The following PLCXD3 variants were observed in gnomAD, a reference collection of about 807,000 sequenced individuals.
The protein encoded by PLCXD3 is phosphatidylinositol specific phospholipase C X domain containing 3.
In PLCXD3, 19 loss-of-function variants were observed where a neutral mutation model predicts 25.5. That is an observed-to-expected ratio of 0.75 (90% confidence interval 0.52 to 1.09). The LOEUF (loss-of-function observed/expected upper bound fraction) is 1.09. PLCXD3 is among the 50% of genes least tolerant of loss of function. The pLI, the probability that PLCXD3 is intolerant of heterozygous loss-of-function variation, is 0.00. For synonymous variants in PLCXD3, 174 were observed against 137.6 expected (o/e 1.26, Z -1.85); for missense variants, 411 against 388.1 (o/e 1.06, Z -0.50).
intron 1 of PLCXD3, among the ~76,000 whole-genome samples, chr5:41,465,355 T>TTTTTTTTTTTTTTTTG: frequency 1.7e-5 from 1 of 58,060 alleles, no homozygotes; most frequent in Non-Finnish European, 3.8e-5. Flanking sequence ...GTTCTTGTCT[T>TTTTTTTTTTTTTTTTG]TTTTTTTTTT....
chr5:41,398,259 C>A (rs1414284094), intron 1 of PLCXD3, among the ~76,000 whole-genome samples: 1 of 152,120 alleles, frequency 6.6e-6, no homozygotes, highest in Non-Finnish European at 1.5e-5. Context: ...GATGGATTTC[C>A]CCCTGGCTGT....
intron 1 of PLCXD3, among the ~76,000 whole-genome samples, chr5:41,486,125 G>A (rs1266117781): frequency 6.6e-6 from 1 of 152,124 alleles, no homozygotes; most frequent in African/African-American, 2.4e-5. Context: ...TAAGCCTAGA[G>A]AGAAAAGTCT....
intron 1 of PLCXD3, among the ~76,000 whole-genome samples, chr5:41,505,822 G>C (rs570492958): frequency 4.6e-5 from 7 of 152,328 alleles, no homozygotes; most frequent in Admixed American, 6.5e-5. Flanking sequence ...TCAGTTATCA[G>C]AAATGTCCCT....
At chr5:41,440,215 A>ATTTTTGTTT (rs1747350266) in intron 1 of PLCXD3, among the ~76,000 whole-genome samples, 4 of 41,080 alleles carry the variant, frequency 9.7e-5, no homozygotes, top group African/African-American at 4.2e-4. Context: ...TAATCTCTCA[A>ATTTTTGTTT]TTTTTTTTTT....
Position 41,382,003 on chromosome 5 carries a change from A to T in PLCXD3, c.635T>A (p.Met212Lys). The change falls in exon 2 of 3, where the codon ATG (methionine) becomes AAG (lysine). Residue 212 changes from methionine (M) to lysine (K), a missense_variant. Transcript: ENST00000377801. ...EVPFLWPGQMMPAPWANTTDP... is the reference protein window; with the variant it reads ...EVPFLWPGQMKPAPWANTTDP... ...TGTGGTGTTGGCCCAGGGTGCTGGC[A>T]TCATCTGCCCAGGCCAGAGAAAGGG... is the stretch of plus-strand genomic sequence containing the variant. 1 of 1,613,578 alleles carries T rather than the reference A, an allele frequency of 6.2e-7. No individual in the cohort carries two copies. The highest frequency in any genetic ancestry group is 8.5e-7 in the Non-Finnish European group (1 of 1,179,756).
At position 41,485,924 on chromosome 5, in the gene PLCXD3, A is replaced by C. The variant is rs111484166; in HGVS notation, c.103+24500T>G. ...AGTATGAGTCTTGTTGAAGCTCATC[A>C]GAATAGGTCCAATTAATCTTCAAGT... On this transcript the variant is annotated intron_variant, in intron 1 of 2. Coordinates refer to ENST00000377801, the MANE Select transcript of PLCXD3 (RefSeq NM_001005473.3). 8.1e-3 allele frequency among the ~76,000 whole-genome samples: 1,241 copies of C among 152,272 alleles called. 14 individuals are homozygous for C. Among genetic ancestry groups the C allele is most frequent in the African/African-American group, 0.028 (1,158 of 41,548 alleles).
intron 1 of PLCXD3, among the ~76,000 whole-genome samples, chr5:41,419,338 T>C (rs1746762619): frequency 6.6e-6 from 1 of 152,124 alleles, no homozygotes; most frequent in Admixed American, 6.5e-5. Context: ...AAAAATACTA[T>C]ACAAGACGTT....
chr5:41,363,938 T>C (rs1259110779), intron 2 of PLCXD3, among the ~76,000 whole-genome samples: 1 of 152,174 alleles, frequency 6.6e-6, no homozygotes, highest in Non-Finnish European at 1.5e-5. Context: ...GCTTCTCTAA[T>C]CCCTGGACAG....
At chr5:41,423,398 T>A (rs73750172) in intron 1 of PLCXD3, among the ~76,000 whole-genome samples, 10 of 152,060 alleles carry the variant, frequency 6.6e-5, no homozygotes, top group Non-Finnish European at 1.3e-4. Flanking sequence ...AAATATTAAG[T>A]TTTTCAAGTA....
chr5:41,323,403 G>A (rs1743533808), intron 2 of PLCXD3, among the ~76,000 whole-genome samples: 1 of 152,160 alleles, frequency 6.6e-6, no homozygotes. Flanking sequence ...AAATGCTTGA[G>A]GGAAGGGATA....
intron 1 of PLCXD3, among the ~76,000 whole-genome samples, chr5:41,423,962 G>T (rs1400373296): frequency 6.6e-6 from 1 of 152,068 alleles, no homozygotes. Flanking sequence ...TATGTGTTTT[G>T]TGAGAATACT....
chr5:41,419,029 A>G (rs1746756376), intron 1 of PLCXD3, among the ~76,000 whole-genome samples: 1 of 152,172 alleles, frequency 6.6e-6, no homozygotes, highest in South Asian at 2.1e-4. Context: ...CCTCGATTGT[A>G]GACAGTAGGT....
intron 1 of PLCXD3, among the ~76,000 whole-genome samples, chr5:41,425,644 C>T (rs900299665): frequency 1.3e-5 from 2 of 152,160 alleles, no homozygotes; most frequent in African/African-American, 4.8e-5. Context: ...ATCCGTTTCT[C>T]CTTTCTAACC....
At chr5:41,417,508 C>A (rs934119924) in intron 1 of PLCXD3, among the ~76,000 whole-genome samples, 1 of 152,170 alleles carries the variant, frequency 6.6e-6, no homozygotes, top group African/African-American at 2.4e-5. Context: ...AGAAGATAGA[C>A]CCTGTTACTG....
At chr5:41,468,843 T>C (rs1748085061) in intron 1 of PLCXD3, among the ~76,000 whole-genome samples, 1 of 152,226 alleles carries the variant, frequency 6.6e-6, no homozygotes, top group Non-Finnish European at 1.5e-5. Context: ...TTTCACTTCC[T>C]CTATTGCTAT....
At chr5:41,457,022 A>C (rs1375656541) in intron 1 of PLCXD3, among the ~76,000 whole-genome samples, 1 of 151,954 alleles carries the variant, frequency 6.6e-6, no homozygotes, top group East Asian at 1.9e-4. Flanking sequence ...TAGCACTAAC[A>C]GGAAAACATA....
chr5:41,410,167 T>G (rs1379076546), intron 1 of PLCXD3, among the ~76,000 whole-genome samples: 1 of 136,328 alleles, frequency 7.3e-6, no homozygotes, highest in Non-Finnish European at 1.6e-5. Context: ...TGAGACGGAG[T>G]CTCACTCTGT....
intron 1 of PLCXD3, among the ~76,000 whole-genome samples, chr5:41,397,622 A>T (rs1020306859): frequency 2.0e-5 from 3 of 152,112 alleles, no homozygotes; most frequent in East Asian, 3.9e-4. Flanking sequence ...GAGAAGAGAG[A>T]CACAATCCTC....
At chr5:41,417,020 A>C (rs1363741385) in intron 1 of PLCXD3, among the ~76,000 whole-genome samples, 1 of 152,190 alleles carries the variant, frequency 6.6e-6, no homozygotes, top group Non-Finnish European at 1.5e-5. Flanking sequence ...GGGGACATTT[A>C]AGGTTGATCT....
Sources: allele counts gnomAD v4.1 joint callset (sites outside exome capture counted in the v4.1 genomes callset), GRCh38; gene constraint gnomAD v4.1.1; transcripts MANE v1.5; gene names NCBI Gene and HGNC (gene_info 2026-07-23, HGNC 2026-07-21).